The following HCRTR2 variants were observed in gnomAD, a reference collection of about 807,000 sequenced individuals.
HCRTR2 encodes orexin receptor type 2.
Under a neutral mutation model 49.0 loss-of-function variants are expected in HCRTR2, and 22 were observed. That is an observed-to-expected ratio of 0.45 (90% CI 0.32 to 0.64). HCRTR2 has a LOEUF of 0.64. Ranked by LOEUF, HCRTR2 falls within the 30% of genes least tolerant of loss-of-function variation. The pLI is 0.04. For synonymous variants in HCRTR2, 236 were observed against 205.3 expected, an observed-to-expected ratio of 1.15 and a Z score of -1.28; for missense variants, 491 against 559.4, an observed-to-expected ratio of 0.88 and a Z score of 1.23.
intron 3 of HCRTR2, among the ~76,000 whole-genome samples, chr6:55,255,773 G>A (rs1194889179): frequency 6.6e-6 from 1 of 152,130 alleles, no homozygotes; most frequent in East Asian, 1.9e-4. Context: ...TAGTGTCAGG[G>A]TCCCTAATGG....
In HCRTR2 at chr6:55,147,728, G is replaced by T. The variant is rs571450536; in HGVS notation, c.-377-26483G>T. ...TGTCCCTTTGAAAGTATTTCATAAA[G>T]ATGATGATGATATATAGTTACTTGC... On this transcript the variant is annotated intron_variant, in intron 1 of 7. Transcript: ENST00000615358. Among the ~76,000 whole-genome samples the T allele has an allele frequency of 1.1e-4, 17 of 152,162 alleles. 1 individual carries two copies. The highest frequency in any genetic ancestry group is 3.3e-4 in the Admixed American group (5 of 15,268).
chr6:55,265,017 T>A (rs1265001267), intron 4 of HCRTR2, among the ~76,000 whole-genome samples: 4 of 152,168 alleles, frequency 2.6e-5, no homozygotes, highest in Non-Finnish European at 4.4e-5. Flanking sequence ...ACACTCATTT[T>A]TTTTAACACT....
chr6:55,254,233 C>A (rs1330282616), intron 2 of HCRTR2, among the ~76,000 whole-genome samples: 2 of 131,828 alleles, frequency 1.5e-5, no homozygotes, highest in Non-Finnish European at 3.3e-5. Flanking sequence ...AAATAACAAT[C>A]TGTAAAAAAA....
At chr6:55,135,467 A>C (rs1248275047) in intron 1 of HCRTR2, among the ~76,000 whole-genome samples, 1 of 152,080 alleles carries the variant, frequency 6.6e-6, no homozygotes, top group Non-Finnish European at 1.5e-5. Flanking sequence ...GTTTAAATGT[A>C]TTCCTGAAAG....
intron 5 of HCRTR2, among the ~76,000 whole-genome samples, chr6:55,279,442 T>C (rs1405092210): frequency 2.0e-5 from 3 of 151,890 alleles, no homozygotes; most frequent in African/African-American, 4.8e-5. Context: ...TTTGTAAAAC[T>C]CTAGTACTCT....
intron 1 of HCRTR2, among the ~76,000 whole-genome samples, chr6:55,137,621 A>G (rs939026903): frequency 2.0e-5 from 3 of 152,114 alleles, no homozygotes; most frequent in Non-Finnish European, 2.9e-5. Context: ...ACCAATTTAT[A>G]TCTTGGAAAT....
At chr6:55,130,337 T>C (rs796451683) in intron 1 of HCRTR2, among the ~76,000 whole-genome samples, 8 of 152,062 alleles carry the variant, frequency 5.3e-5, no homozygotes, top group African/African-American at 1.2e-4. Flanking sequence ...TACCACAATG[T>C]AGTAACTTTT....
At chr6:55,229,610 A>T (rs1346979235) in intron 1 of HCRTR2, among the ~76,000 whole-genome samples, 1 of 152,224 alleles carries the variant, frequency 6.6e-6, no homozygotes, top group Non-Finnish European at 1.5e-5. Context: ...GCAGGACGTT[A>T]TGCTAGGTGG....
At chr6:55,200,710 A>G (rs1264471911) in intron 1 of HCRTR2, among the ~76,000 whole-genome samples, 1 of 152,172 alleles carries the variant, frequency 6.6e-6, no homozygotes, top group Non-Finnish European at 1.5e-5. Flanking sequence ...TGACAAGACA[A>G]TTAGTAGAAT....
At chr6:55,183,270 A>T (rs1765163726) in intron 1 of HCRTR2, among the ~76,000 whole-genome samples, 1 of 152,228 alleles carries the variant, frequency 6.6e-6, no homozygotes, top group Admixed American at 6.5e-5. Flanking sequence ...GGAGGAGATG[A>T]CACCTAAACT....
chr6:55,261,840 C>T (rs1424467944), intron 3 of HCRTR2, among the ~76,000 whole-genome samples: 1 of 152,084 alleles, frequency 6.6e-6, no homozygotes, highest in Non-Finnish European at 1.5e-5. Flanking sequence ...ATGTTTACAG[C>T]AGCACAATTC....
intron 4 of HCRTR2, among the ~76,000 whole-genome samples, chr6:55,272,496 A>G (rs542676056): frequency 1.3e-5 from 2 of 152,198 alleles, no homozygotes; most frequent in South Asian, 4.1e-4. Flanking sequence ...CCCTTAAAGC[A>G]GTGAGGTTTA....
At chr6:55,193,432 C>T (rs1225175162) in intron 1 of HCRTR2, among the ~76,000 whole-genome samples, 3 of 151,986 alleles carry the variant, frequency 2.0e-5, no homozygotes, top group African/African-American at 7.3e-5. Flanking sequence ...AGAGGCAGGG[C>T]ATAAAGGAGC....
At chr6:55,210,607 A>C (rs943056263) in intron 1 of HCRTR2, among the ~76,000 whole-genome samples, 1 of 152,138 alleles carries the variant, frequency 6.6e-6, no homozygotes, top group Non-Finnish European at 1.5e-5. Flanking sequence ...AAATAAGTAA[A>C]TTAGAACAGG....
At chr6:55,195,455 A>T (rs950788599) in intron 1 of HCRTR2, among the ~76,000 whole-genome samples, 1 of 152,186 alleles carries the variant, frequency 6.6e-6, no homozygotes, top group Non-Finnish European at 1.5e-5. Context: ...GTAAGAAGGA[A>T]TACAATCCTG....
chr6:55,153,599 C>T (rs1048353756), intron 1 of HCRTR2, among the ~76,000 whole-genome samples: 6 of 151,906 alleles, frequency 3.9e-5, no homozygotes, highest in African/African-American at 7.2e-5. Flanking sequence ...TAGTATCATG[C>T]TGTTTTGATT....
chr6:55,281,690 T>TC (rs1373357056), intron 6 of HCRTR2, among the ~76,000 whole-genome samples: 2 of 151,930 alleles, frequency 1.3e-5, no homozygotes, highest in Non-Finnish European at 2.9e-5. Context: ...ACAGTATTTT[T>TC]CCCCCTTCAG....
At chr6:55,174,157 C>T (rs9370397), upstream of HCRTR2, 4,136 of 201,096 alleles carry the variant, frequency 0.021, 66 homozygotes, top group African/African-American at 0.041. Context: ...TCACCCCCCA[C>T]CCCCCAAAAA....
At chr6:55,168,506 T>C (rs886234723) in intron 1 of HCRTR2, among the ~76,000 whole-genome samples, 1 of 152,230 alleles carries the variant, frequency 6.6e-6, no homozygotes, top group Non-Finnish European at 1.5e-5. Flanking sequence ...TCTAGCTATA[T>C]GACCTTGGGT....
Sources: allele counts gnomAD v4.1 joint callset (sites outside exome capture counted in the v4.1 genomes callset), GRCh38; gene constraint gnomAD v4.1.1; transcripts MANE v1.5; gene names NCBI Gene and HGNC (gene_info 2026-07-23, HGNC 2026-07-21).